The following ARSJ variants were observed in gnomAD, a reference collection of about 807,000 sequenced individuals.
ARSJ encodes the protein arylsulfatase family member J.
A neutral mutation model predicts 35.9 loss-of-function variants in ARSJ; 26 were observed. The observed-to-expected ratio is 0.72, with a 90% CI of 0.53 to 1.00. ARSJ has a LOEUF of 1.00. Among genes scored for constraint, ARSJ ranks in the 50% least tolerant of loss-of-function variants. ARSJ has a pLI of 0.00. For synonymous variants in ARSJ, 294 were observed against 267.6 expected, an observed-to-expected ratio of 1.10 and a Z score of -0.96; for missense variants, 667 against 723.6, an observed-to-expected ratio of 0.92 and a Z score of 0.90.
intron 1 of ARSJ, among the ~76,000 whole-genome samples, chr4:113,920,983 A>C (rs1723637031): frequency 6.6e-6 from 1 of 152,054 alleles, no homozygotes; most frequent in Non-Finnish European, 1.5e-5. Flanking sequence ...GGCTTGCTAC[A>C]TGACATGAGA....
At chr4:113,925,415 T>C (rs767000806) in intron 1 of ARSJ, among the ~76,000 whole-genome samples, 2 of 152,006 alleles carry the variant, frequency 1.3e-5, no homozygotes, top group African/African-American at 2.4e-5. Context: ...ATCCTGACTA[T>C]GGGAGAAACA....
chr4:113,916,469 G>T (rs1321301150), intron 1 of ARSJ, among the ~76,000 whole-genome samples: 1 of 151,796 alleles, frequency 6.6e-6, no homozygotes, highest in African/African-American at 2.4e-5. Flanking sequence ...TAAACAAATT[G>T]CAAATTGTAA....
At chr4:113,945,942 A>C (rs1725450126) in intron 1 of ARSJ, among the ~76,000 whole-genome samples, 1 of 152,056 alleles carries the variant, frequency 6.6e-6, no homozygotes, top group African/African-American at 2.4e-5. Context: ...CAGTTTGTTC[A>C]TAGTTTCAAG....
At chr4:113,943,712 A>T (rs919919138) in intron 1 of ARSJ, among the ~76,000 whole-genome samples, 8 of 152,026 alleles carry the variant, frequency 5.3e-5, no homozygotes, top group East Asian at 1.9e-4. Context: ...TTTTGAGCTG[A>T]CACCTGAGTA....
chr4:113,977,215 A>G (rs1727641744), intron 1 of ARSJ, among the ~76,000 whole-genome samples: 1 of 152,090 alleles, frequency 6.6e-6, no homozygotes, highest in South Asian at 2.1e-4. Context: ...AATATCAAAT[A>G]CCCTTGATTT....
intron 1 of ARSJ, among the ~76,000 whole-genome samples, chr4:113,963,476 C>T (rs752363137): frequency 1.3e-5 from 2 of 152,020 alleles, no homozygotes; most frequent in Non-Finnish European, 2.9e-5. Context: ...ACCAGCAGAT[C>T]TTGTGAGAAC....
At chr4:113,919,296 A>G (rs1723518864) in intron 1 of ARSJ, among the ~76,000 whole-genome samples, 2 of 152,072 alleles carry the variant, frequency 1.3e-5, no homozygotes, top group Non-Finnish European at 2.9e-5. Flanking sequence ...AACCAGTCTT[A>G]TATAGTGAAA....
chr4:113,927,829 A>G (rs1724171866), intron 1 of ARSJ, among the ~76,000 whole-genome samples: 1 of 152,162 alleles, frequency 6.6e-6, no homozygotes, highest in Admixed American at 6.5e-5. Flanking sequence ...CAAGTCCTTG[A>G]TGGTGACACT....
rs145457808 is a variant in ARSJ at position 113,938,054 on chromosome 4, A to G, written c.399-34379T>C. Among the ~76,000 whole-genome samples, 754 of 152,222 alleles carry G rather than the reference A, an allele frequency of 5.0e-3. 5 individuals are homozygous for G. Among genetic ancestry groups the G allele is most frequent in the African/African-American group, 0.017 (716 of 41,562 alleles). The stretch of plus-strand genomic sequence containing the variant: ...AAAAACTACTTTAAAATTCATATGG[A>G]ACCAAAAAAGAGCTGGTATACCCAG... On this transcript the variant is annotated intron_variant, in intron 1 of 1. Transcript: ENST00000315366.
intron 1 of ARSJ, among the ~76,000 whole-genome samples, chr4:113,955,667 A>T (rs1726135130): frequency 6.6e-6 from 1 of 152,072 alleles, no homozygotes; most frequent in Non-Finnish European, 1.5e-5. Context: ...TAACCTTCAT[A>T]ACTGTTATAA....
chr4:113,951,434 A>C (rs1725858532), intron 1 of ARSJ, among the ~76,000 whole-genome samples: 1 of 152,066 alleles, frequency 6.6e-6, no homozygotes, highest in Admixed American at 6.6e-5. Flanking sequence ...AATTGAACAT[A>C]ATCCTTCAGA....
Position 113,978,455 on chromosome 4 carries a change from C to T in ARSJ, c.380G>A (p.Ser127Asn). 1.2e-6 allele frequency: 2 copies of T among 1,610,334 alleles called. No individual in the cohort carries two copies. Among genetic ancestry groups the T allele is most frequent in the Non-Finnish European group, 1.7e-6 (2 of 1,178,056 alleles). ...YVQPICTPSR[S>N]QFITGKYQIH... is the part of the protein sequence containing the mutation. ...CACTTACTTTCCAGTAATAAACTGA[C>T]TCCTGGATGGTGTGCAAATAGGCTG... Residue 127 changes from serine (S) to asparagine (N), a missense_variant, in exon 1 of 2, where the codon AGT (serine) becomes AAT (asparagine). Transcript: ENST00000315366.
At chr4:113,933,824 G>T (rs987910915) in intron 1 of ARSJ, among the ~76,000 whole-genome samples, 23 of 151,812 alleles carry the variant, frequency 1.5e-4, no homozygotes, top group Admixed American at 5.9e-4. Context: ...AACAGCACAA[G>T]AATTCCTGTT....
chr4:113,920,981 A>G (rs1723636831), intron 1 of ARSJ, among the ~76,000 whole-genome samples: 1 of 152,060 alleles, frequency 6.6e-6, no homozygotes, highest in South Asian at 2.1e-4. Context: ...TGGGCTTGCT[A>G]CATGACATGA....
At chr4:113,908,033 C>T (rs573217268) in intron 1 of ARSJ, among the ~76,000 whole-genome samples, 2 of 152,194 alleles carry the variant, frequency 1.3e-5, no homozygotes, top group East Asian at 1.9e-4. Context: ...ACCAAACCTC[C>T]GTGACATGCA....
chr4:113,942,851 C>T (rs1401678207), intron 1 of ARSJ, among the ~76,000 whole-genome samples: 1 of 151,940 alleles, frequency 6.6e-6, no homozygotes, highest in Non-Finnish European at 1.5e-5. Flanking sequence ...ATTGTTATCC[C>T]TTTGGTGCAG....
At chr4:113,974,159 T>C (rs561137795) in intron 1 of ARSJ, among the ~76,000 whole-genome samples, 6 of 152,038 alleles carry the variant, frequency 3.9e-5, no homozygotes, top group Admixed American at 1.3e-4. Flanking sequence ...GTAATCTAAA[T>C]ACAAAAACAA....
intron 1 of ARSJ, among the ~76,000 whole-genome samples, chr4:113,904,538 G>A (rs775080240): frequency 2.0e-5 from 3 of 152,214 alleles, no homozygotes; most frequent in African/African-American, 7.2e-5. Flanking sequence ...AGGCTGGAGC[G>A]CAGTGGTGTG....
rs928759212 is a variant in ARSJ at position 113,902,461 on chromosome 4, T to C, written c.1613A>G (p.Lys538Arg). The C allele has an allele frequency of 1.8e-5, 29 of 1,613,978 alleles. No homozygotes were observed. Among genetic ancestry groups the C allele is most frequent in the African/African-American group, 2.7e-5 (2 of 74,898 alleles). The change falls in exon 2 of 2, where the codon AAA becomes AGA. Residue 538 changes from lysine to arginine, a missense_variant. Transcript: ENST00000315366. ...GAGCCTAGGGTTACTTCTGGGGTCT[T>C]TGGGGGGATACCTGACCGGCACTGC... The part of the protein sequence containing the change: ...KTAVPVRYPP[K>R]DPRSNPRLNG...
Sources: allele counts gnomAD v4.1 joint callset (sites outside exome capture counted in the v4.1 genomes callset), GRCh38; gene constraint gnomAD v4.1.1; transcripts MANE v1.5; gene names NCBI Gene and HGNC (gene_info 2026-07-23, HGNC 2026-07-21).